The following KCNAB3 variants were observed in gnomAD, a reference collection of about 807,000 sequenced individuals.
KCNAB3 encodes potassium voltage-gated channel subfamily A regulatory beta subunit 3.
Under a neutral mutation model 67.7 loss-of-function variants are expected in KCNAB3, and 62 were observed. That is an observed-to-expected ratio of 0.92 (90% CI 0.75 to 1.13). The LOEUF (loss-of-function observed/expected upper bound fraction) is 1.13. Ranked by LOEUF, KCNAB3 falls within the 50% of genes most tolerant of loss-of-function variation. The probability of loss-of-function intolerance (pLI) is 0.00; values close to 1 mark genes in which losing one functional copy is unlikely to be tolerated. For missense variants in KCNAB3, 514 were observed against 522.9 expected (o/e 0.98, Z 0.17); for synonymous variants, 212 against 205.4 (o/e 1.03, Z -0.27).
chr17:7,924,464 C>T lies in KCNAB3; in HGVS notation c.662G>A (p.Gly221Asp). The T allele has an allele frequency of 6.2e-7, 1 of 1,614,046 alleles. No individual in the cohort carries two copies. Among genetic ancestry groups the T allele is most frequent in the East Asian group, 2.2e-5 (1 of 44,886 alleles). The part of the protein sequence containing the change: ...VRAMTYVINQ[G>D]LALYWGTSRW... The stretch of plus-strand genomic sequence containing the variant: ...GGATGTCCCCCAGTATAGGGCCAGG[C>T]CCTGGTTGATGACATAGGTCATGGC... The change falls in exon 9 of 14, where the codon GGC (glycine) becomes GAC (aspartate). Residue 221 changes from glycine to aspartate, a missense_variant. Transcript: ENST00000303790.
rs1972086174 is a variant in KCNAB3 at position 7,922,992 on chromosome 17, T to C, written c.*110A>G. 6.9e-6 allele frequency: 7 copies of C among 1,019,958 alleles called. No homozygotes were observed. The highest frequency in any genetic ancestry group is 1.8e-5 in the Admixed American group (1 of 56,978). 63.2% of individuals were successfully genotyped at this position (1,019,958 alleles called of 1,614,324 possible). A position where few individuals can be genotyped will look rare whatever the true frequency, so the allele number is the denominator to read the frequency against. ...GGGACTCGTTGGTGGGCGGGGCTAG[T>C]CTGGCTCCGGCCGCTGCGTGGAGGG... On this transcript the variant is annotated 3_prime_UTR_variant, in exon 14 of 14. Coordinates refer to ENST00000303790, the MANE Select transcript of KCNAB3 (RefSeq NM_004732.4).
At position 7,929,830 on chromosome 17, in the gene KCNAB3, C is replaced by CAT; in HGVS notation, c.-396_-395insAT. 10 of 1,031,018 alleles carry CAT rather than the reference C, an allele frequency of 9.7e-6. No homozygotes were observed. In the Admixed American group the frequency reaches 1.6e-4, roughly 17 times the overall value. 63.9% of individuals were successfully genotyped at this position (1,031,018 alleles called of 1,614,324 possible). On this transcript the variant is annotated 5_prime_UTR_variant, in exon 1 of 14. In the 5' UTR this introduces an upstream ATG that the reference lacks. Transcript: ENST00000303790. This position sits in a 1 kb window ranked among gnomAD's most constrained non-coding sequence, Gnocchi z 5.7. The stretch of plus-strand genomic sequence containing the variant: ...ACCGCTGCGGGACCCGCTGGGCTCC[C>CAT]AGCCGCGTCGGCAGCGGGCCCAGCT...
chr17:7,926,345 G>T (rs1186745077), intron 4 of KCNAB3, among the ~76,000 whole-genome samples: 1 of 152,190 alleles, frequency 6.6e-6, no homozygotes, highest in Admixed American at 6.5e-5. Flanking sequence ...CCCTGCTGTG[G>T]GTGCCAAAAA....
At chr17:7,923,323 C>A in intron 13 of KCNAB3, 133 bp downstream of exon 13, 1 of 1,244,476 alleles carries the variant, frequency 8.0e-7, no homozygotes, top group Non-Finnish European at 1.2e-6. Flanking sequence ...CGCTTTCCGG[C>A]CCTGGGACCT....
intron 8 of KCNAB3, 159 bp downstream of exon 8, chr17:7,924,938 G>A: frequency 1.5e-6 from 1 of 645,456 alleles, no homozygotes; most frequent in Non-Finnish European, 2.7e-6. Context: ...TAGAGACAGG[G>A]TCTTGCTATG....
chr17:7,924,053 G>T lies in KCNAB3; in HGVS notation c.842C>A (p.Ser281Ter). ...ACAGGCTAGAGGGTACCAAGTGACT[G>T]ATCCAACTCCTAAGGGAAGAACACT... ...PELYHKIGVG[S>*]VTWYPLACGL... Residue 281 changes from serine to a stop codon, truncating the protein, a stop_gained, in exon 11 of 14, where the codon TCA becomes TAA. Coordinates refer to ENST00000303790, the MANE Select transcript of KCNAB3 (RefSeq NM_004732.4). LOFTEE classifies it high-confidence loss of function. 1.9e-6 allele frequency: 3 copies of T among 1,614,144 alleles called. No homozygotes were observed. The highest frequency in any genetic ancestry group is 2.5e-6 in the Non-Finnish European group (3 of 1,180,012).
Position 7,929,817 on chromosome 17 carries a change from C to CTAT in KCNAB3, c.-383_-382insATA. 1.1e-5 allele frequency: 11 copies of CTAT among 1,020,406 alleles called. No individual in the cohort carries two copies. The highest frequency in any genetic ancestry group is 7.5e-5 in the South Asian group (2 of 26,688). The allele number at this position is 1,020,406 out of a possible 1,614,324, so 63.2% of individuals were successfully genotyped here. A position where few individuals can be genotyped will look rare whatever the true frequency, so the allele number is the denominator to read the frequency against. Reference sequence around the variant, plus strand: ...CACTTCAGCGCGAACCGCTGCGGGACCCGCTGGGCTCCCAGCCGCGTCGGC... The same window carrying CTAT: ...CACTTCAGCGCGAACCGCTGCGGGACTATCCGCTGGGCTCCCAGCCGCGTCGGC... On this transcript the variant is annotated 5_prime_UTR_variant, in exon 1 of 14. Coordinates refer to ENST00000303790, the MANE Select transcript of KCNAB3 (RefSeq NM_004732.4). This position sits in a 1 kb window ranked among gnomAD's most constrained non-coding sequence, Gnocchi z 5.7.
At chr17:7,924,799 G>A (rs1972170191) in intron 8 of KCNAB3, 1 of 832,952 alleles carries the variant, frequency 1.2e-6, no homozygotes, top group Non-Finnish European at 1.7e-6. Context: ...ATGTAGTTCA[G>A]TGGTGCAATC....
chr17:7,927,446 G>T, intron 3 of KCNAB3, 23 bp from the exon 4 acceptor site: 1 of 1,607,804 alleles, frequency 6.2e-7, no homozygotes. Context: ...AAGAGGTAAA[G>T]ATCAACTACT....
Position 7,929,478 on chromosome 17 carries a change from A to C in KCNAB3, c.-43T>G. ...GGGGAGGGGGCTCCGAGGGGACGGG[A>C]GGGGGGAGCAGGGAAGCCCGAGGGC... On this transcript the variant is annotated 5_prime_UTR_variant, in exon 1 of 14. Transcript: ENST00000303790. The surrounding 1 kb of genome is among the most constrained non-coding windows in gnomAD (Gnocchi z 5.7). The C allele has an allele frequency of 9.1e-7, 1 of 1,097,356 alleles. No individual in the cohort carries two copies. Among genetic ancestry groups the C allele is most frequent in the Non-Finnish European group, 1.3e-6 (1 of 772,530 alleles). 68.0% of individuals were successfully genotyped at this position (1,097,356 alleles called of 1,614,324 possible). A position where few individuals can be genotyped will look rare whatever the true frequency, so the allele number is the denominator to read the frequency against.
In KCNAB3 at chr17:7,924,075, C is replaced by A. The variant is rs748284419; in HGVS notation, c.833-13G>T. ...ACTGATCCAACTCCTAAGGGAAGAA[C>A]ACTGGGTGTCAGGAAAAGGACCTAG... On this transcript the variant is annotated splice_polypyrimidine_tract_variant and intron_variant, in intron 10 of 13. Coordinates refer to ENST00000303790, the MANE Select transcript of KCNAB3 (RefSeq NM_004732.4). 4 of 1,614,028 alleles carry A rather than the reference C, an allele frequency of 2.5e-6. No homozygotes were observed. Among genetic ancestry groups the A allele is most frequent in the Non-Finnish European group, 2.5e-6 (3 of 1,180,024 alleles).
chr17:7,927,879 A>G, intron 1 of KCNAB3, 53 bp from the exon 2 acceptor site: 1 of 1,606,032 alleles, frequency 6.2e-7, no homozygotes, highest in Non-Finnish European at 8.5e-7. Context: ...ATGGACTTAG[A>G]TTATCAGCCC....
rs567367025 is a variant in KCNAB3 at position 7,923,500 on chromosome 17, C to A, written c.1093G>T (p.Val365Leu). 1.9e-6 allele frequency: 3 copies of A among 1,612,600 alleles called. No homozygotes were observed. The highest frequency in any genetic ancestry group is 2.5e-6 in the Non-Finnish European group (3 of 1,179,474). The change falls in exon 13 of 14, where the codon GTG (valine) becomes TTG (leucine). Residue 365 changes from valine (V) to leucine (L), a missense_variant. By Grantham distance (32) the Val-to-Leu change is conservative. Coordinates refer to ENST00000303790, the MANE Select transcript of KCNAB3 (RefSeq NM_004732.4). ...SEGVSSVLLG[V>L]SSAEQLIEHL... ...TCTATCAACTGCTCCGCACTCGACACCCCCAGCAAGACAGAGCTGACACCC... is the reference window on the plus strand; with the variant it reads ...TCTATCAACTGCTCCGCACTCGACAACCCCAGCAAGACAGAGCTGACACCC...
chr17:7,929,590 C>A lies in KCNAB3; in HGVS notation c.-155G>T. The stretch of plus-strand genomic sequence containing the variant: ...CGGGAGCCGCCAGGCAGGATCGGGC[C>A]CGCGGGGGCGGGCTGCTGGAGGTCG... On this transcript the variant is annotated 5_prime_UTR_variant, in exon 1 of 14. Transcript: ENST00000303790. This position sits in a 1 kb window ranked among gnomAD's most constrained non-coding sequence, Gnocchi z 5.7. 1 of 1,438,354 alleles carries A rather than the reference C, an allele frequency of 7.0e-7. No individual in the cohort carries two copies. Among genetic ancestry groups the A allele is most frequent in the Non-Finnish European group, 9.0e-7 (1 of 1,105,526 alleles). The allele number at this position is 1,438,354 out of a possible 1,614,324, so 89.1% of individuals were successfully genotyped here.
chr17:7,925,919 G>A lies in KCNAB3; in HGVS notation c.494+12C>T, dbSNP rs1598035474. 6.2e-7 allele frequency: 1 copy of A among 1,612,356 alleles called. No individual in the cohort carries two copies. The highest frequency in any genetic ancestry group is 8.5e-7 in the Non-Finnish European group (1 of 1,178,898). ...AGGCCTTCTCCACAATCGCAGTGGG[G>A]CAGCCACTTACTGTCCTCCCCAAAA... On this transcript the variant is annotated intron_variant, in intron 6 of 13. Coordinates refer to ENST00000303790, the MANE Select transcript of KCNAB3 (RefSeq NM_004732.4).
chr17:7,923,696 G>T lies in KCNAB3; in HGVS notation c.1048+15C>A, dbSNP rs754176066. ...TCAGGAGGAGACAGGGCCCCTGCAGGGTGCAATGTCTCACCAATAGCAAGC... is the reference window on the plus strand; with the variant it reads ...TCAGGAGGAGACAGGGCCCCTGCAGTGTGCAATGTCTCACCAATAGCAAGC... On this transcript the variant is annotated intron_variant, in intron 12 of 13. Transcript: ENST00000303790. 1 of 1,555,810 alleles carries T rather than the reference G, an allele frequency of 6.4e-7. No homozygotes were observed. Among genetic ancestry groups the T allele is most frequent in the African/African-American group, 1.4e-5 (1 of 73,440 alleles).
chr17:7,929,801 G>GTC lies in KCNAB3; in HGVS notation c.-367_-366insGA. The GTC allele has an allele frequency of 9.0e-7, 1 of 1,116,196 alleles. No homozygotes were observed. The highest frequency in any genetic ancestry group is 1.1e-6 in the Non-Finnish European group (1 of 909,520). The allele number at this position is 1,116,196 out of a possible 1,614,324, so 69.1% of individuals were successfully genotyped here. A position where few individuals can be genotyped will look rare whatever the true frequency, so the allele number is the denominator to read the frequency against. Reference sequence around the variant, plus strand: ...GGCGGGAGAGAGATGCCACTTCAGCGCGAACCGCTGCGGGACCCGCTGGGC... The same window carrying GTC: ...GGCGGGAGAGAGATGCCACTTCAGCGTCCGAACCGCTGCGGGACCCGCTGGGC... On this transcript the variant is annotated 5_prime_UTR_variant, in exon 1 of 14. Transcript: ENST00000303790. The surrounding 1 kb of genome is among the most constrained non-coding windows in gnomAD (Gnocchi z 5.7).
intron 4 of KCNAB3, 40 bp from the exon 5 acceptor site, chr17:7,926,143 G>C (rs1273173254): frequency 6.2e-7 from 1 of 1,610,628 alleles, no homozygotes; most frequent in Non-Finnish European, 8.5e-7. Context: ...TCCCTTCTAG[G>C]CCAATCAATT....
intron 8 of KCNAB3, 131 bp downstream of exon 8, chr17:7,924,966 G>T: frequency 1.3e-6 from 1 of 779,710 alleles, no homozygotes; most frequent in South Asian, 1.6e-5. Flanking sequence ...GACTGTTCTC[G>T]AACTCCAGGC....
Sources: allele counts gnomAD v4.1 joint callset (sites outside exome capture counted in the v4.1 genomes callset), GRCh38; gene constraint gnomAD v4.1.1; non-coding constraint Gnocchi (gnomAD v3.1); transcripts MANE v1.5; gene names NCBI Gene and HGNC (gene_info 2026-07-23, HGNC 2026-07-21).